Variants in CMSS1 observed in about 807,000 individuals in gnomAD.
The protein encoded by CMSS1 is cms1 ribosomal small subunit homolog.
CMSS1 carries 33 observed loss-of-function variants against 43.5 expected under a neutral mutation model. The observed-to-expected ratio is 0.76, with a 90% CI of 0.57 to 1.01. The LOEUF is 1.01. CMSS1 is among the 50% of genes least tolerant of loss of function. The pLI is 0.00. For synonymous variants in CMSS1, 115 were observed against 117.2 expected, an observed-to-expected ratio of 0.98 and a Z score of 0.12; for missense variants, 313 against 326.4, an observed-to-expected ratio of 0.96 and a Z score of 0.32.
intron 1 of CMSS1, among the ~76,000 whole-genome samples, chr3:100,013,375 C>T (rs1293649434): frequency 6.6e-6 from 1 of 152,054 alleles, no homozygotes; most frequent in African/African-American, 2.4e-5. Flanking sequence ...TCCTGAGTAG[C>T]TGGGATTACA....
chr3:100,033,899 T>G (rs907520174), intron 1 of CMSS1, among the ~76,000 whole-genome samples: 1 of 152,188 alleles, frequency 6.6e-6, no homozygotes, highest in Admixed American at 6.5e-5. Flanking sequence ...GTTTTATGTA[T>G]AACTGAGCAG....
rs753643739 is a variant in CMSS1 at position 99,875,719 on chromosome 3, T to G, written c.64+57676T>G. Among the ~76,000 whole-genome samples the G allele has an allele frequency of 1.4e-4, 21 of 152,286 alleles. No individual in the cohort carries two copies. The East Asian group carries it at 1.7e-3, about 13-fold the overall frequency. ...AGCGAGTTTGAGTCCGGAGGAGAGA[T>G]AGGGTTGCTGCAGTACAATATAGTC... On this transcript the variant is annotated intron_variant, in intron 1 of 9. Coordinates refer to ENST00000421999, the MANE Select transcript of CMSS1 (RefSeq NM_032359.4).
Position 100,178,377 on chromosome 3 carries a change from G to A in CMSS1, c.829G>A (p.Gly277Ser). Residue 277 changes from glycine (G) to serine (S), a missense_variant, in exon 10 of 10, where the codon GGC becomes AGC. By Grantham distance (56) the Gly-to-Ser change is moderately conservative. Transcript: ENST00000421999. ...GTGCAAGTCAGAATCCTTGAAACTGGGCCTTTTCTAAGTCTGTGTCCTAAT... is the reference window on the plus strand; with the variant it reads ...GTGCAAGTCAGAATCCTTGAAACTGAGCCTTTTCTAAGTCTGTGTCCTAAT... The part of the protein sequence containing the change: ...SLCKSESLKL[G>S]LF The A allele has an allele frequency of 5.6e-6, 9 of 1,610,444 alleles. No homozygotes were observed. Among genetic ancestry groups the A allele is most frequent in the Non-Finnish European group, 7.6e-6 (9 of 1,176,960 alleles).
chr3:100,068,939 C>G (rs2107366434), intron 1 of CMSS1, among the ~76,000 whole-genome samples: 1 of 152,320 alleles, frequency 6.6e-6, no homozygotes, highest in African/African-American at 2.4e-5. Flanking sequence ...TCACCCTCGC[C>G]CAGCAGGTGG....
chr3:99,885,649 G>A (rs1039953166), intron 1 of CMSS1, among the ~76,000 whole-genome samples: 3 of 152,176 alleles, frequency 2.0e-5, no homozygotes, highest in Non-Finnish European at 4.4e-5. Flanking sequence ...CTGACTTTTA[G>A]TTAAAAACAA....
At chr3:99,966,568 A>G (rs1296170422) in intron 1 of CMSS1, among the ~76,000 whole-genome samples, 1 of 152,220 alleles carries the variant, frequency 6.6e-6, no homozygotes, top group Admixed American at 6.5e-5. Context: ...TAAACATTCA[A>G]CAAGTAGGAC....
intron 1 of CMSS1, among the ~76,000 whole-genome samples, chr3:99,881,243 T>A (rs1003167726): frequency 2.6e-5 from 4 of 152,216 alleles, no homozygotes; most frequent in African/African-American, 9.7e-5. Flanking sequence ...CACTGTAAGA[T>A]TATTAAATGG....
intron 1 of CMSS1, among the ~76,000 whole-genome samples, chr3:99,983,375 AAAAT>A (rs201845792): frequency 0.096 from 4,928 of 51,142 alleles, 279 homozygotes; most frequent in East Asian, 0.26. Context: ...CTCTACTTAA[AAAAT>A]AAATAAATAA....
chr3:100,129,102 G>A (rs964704468), intron 1 of CMSS1, among the ~76,000 whole-genome samples: 4 of 152,070 alleles, frequency 2.6e-5, no homozygotes, highest in African/African-American at 7.2e-5. Flanking sequence ...ACCACCCCTA[G>A]CCCGTACCTC....
intron 1 of CMSS1, among the ~76,000 whole-genome samples, chr3:100,057,489 A>G (rs1319637653): frequency 1.3e-5 from 2 of 152,248 alleles, no homozygotes; most frequent in East Asian, 1.9e-4. Flanking sequence ...GAAACATTAC[A>G]TGTTCTTGGG....
rs2065668376 is a variant in CMSS1, at chr3:100,066,554, CG to C, written c.65-80417del. 2.5e-5 allele frequency among the ~76,000 whole-genome samples: 2 copies of C among 78,836 alleles called. 1 individual carries two copies. The highest frequency in any genetic ancestry group is 4.5e-5 in the Non-Finnish European group (2 of 44,268). 51.7% of individuals were successfully genotyped at this position (78,836 alleles called of 152,430 possible). ...TTTTTTTTTTTTTTTTTTTTTGAGA[CG>C]GAGTCTCGCTCTGTCGCCCAGGCTG... On this transcript the variant is annotated intron_variant, in intron 1 of 9. Coordinates refer to ENST00000421999, the MANE Select transcript of CMSS1 (RefSeq NM_032359.4).
At chr3:99,929,917 TC>T in intron 1 of CMSS1, 1 of 1,613,772 alleles carries the variant, frequency 6.2e-7, no homozygotes, top group South Asian at 1.1e-5. Context: ...TTGAAAAGCA[TC>T]TCTCTGGAGA....
At chr3:100,147,375 A>G (rs774113021) in intron 2 of CMSS1, among the ~76,000 whole-genome samples, 1 of 148,716 alleles carries the variant, frequency 6.7e-6, no homozygotes, top group Non-Finnish European at 1.5e-5. Flanking sequence ...GGCTCAAGCA[A>G]TCCTCTTACC....
intron 1 of CMSS1, among the ~76,000 whole-genome samples, chr3:99,855,322 AG>A (rs887282022): frequency 6.6e-6 from 1 of 152,216 alleles, no homozygotes; most frequent in Non-Finnish European, 1.5e-5. Context: ...TCATGCAAAA[AG>A]GGCGTTAAAT....
At chr3:100,041,808 T>C (rs1460193494) in intron 1 of CMSS1, among the ~76,000 whole-genome samples, 1 of 152,162 alleles carries the variant, frequency 6.6e-6, no homozygotes, top group Admixed American at 6.5e-5. Context: ...GGATAACTCA[T>C]GTTGTGCCTT....
intron 1 of CMSS1, among the ~76,000 whole-genome samples, chr3:99,844,395 G>T (rs921055268): frequency 6.6e-6 from 1 of 151,964 alleles, no homozygotes; most frequent in African/African-American, 2.4e-5. Context: ...CTTTTCTCTT[G>T]GGATTACAAA....
At chr3:100,032,431 A>G (rs908519190) in intron 1 of CMSS1, among the ~76,000 whole-genome samples, 1 of 152,214 alleles carries the variant, frequency 6.6e-6, no homozygotes, top group South Asian at 2.1e-4. Context: ...TGCAGAGCCA[A>G]CAGAACATTT....
intron 2 of CMSS1, among the ~76,000 whole-genome samples, chr3:100,147,265 C>CT (rs71132514): frequency 0.033 from 2,853 of 86,760 alleles, 97 homozygotes; most frequent in African/African-American, 0.072. Flanking sequence ...AATTCTTTTT[C>CT]TTTTTTTTTT....
intron 1 of CMSS1, among the ~76,000 whole-genome samples, chr3:99,929,043 T>C (rs1707386916): frequency 6.6e-6 from 1 of 152,218 alleles, no homozygotes; most frequent in African/African-American, 2.4e-5. Flanking sequence ...TTGAGGGAAA[T>C]TTGTCTGAAA....
Sources: gnomAD v4.1 joint callset for allele counts (sites outside exome capture counted in the v4.1 genomes callset) on GRCh38, gnomAD v4.1.1 for gene constraint, MANE v1.5 for transcripts, NCBI Gene and HGNC (gene_info 2026-07-23, HGNC 2026-07-21) for gene names.